SPTLC2: variants seen among roughly 807,000 people sequenced by gnomAD.
The protein encoded by SPTLC2 is serine palmitoyltransferase 2.
In SPTLC2, 21 loss-of-function variants were observed where a neutral mutation model predicts 62.0. That is an observed-to-expected ratio of 0.34 (90% CI 0.24 to 0.49). The LOEUF (loss-of-function observed/expected upper bound fraction) is 0.49. Ranked by LOEUF, SPTLC2 falls within the 20% of genes least tolerant of loss-of-function variation. SPTLC2 has a pLI of 0.99. For missense variants in SPTLC2, 511 were observed against 713.0 expected (o/e 0.72, Z 3.23); for synonymous variants, 261 against 261.8 (o/e 1.00, Z 0.03).
chr14:77,538,406 G>T (rs1262875479), intron 9 of SPTLC2, among the ~76,000 whole-genome samples: 1 of 152,152 alleles, frequency 6.6e-6, no homozygotes, highest in African/African-American at 2.4e-5. Context: ...TCTAGAATAG[G>T]CACAGAGATA....
At chr14:77,513,782 C>T (rs892789589) in intron 11 of SPTLC2, among the ~76,000 whole-genome samples, 7 of 151,718 alleles carry the variant, frequency 4.6e-5, no homozygotes, top group African/African-American at 1.7e-4. Flanking sequence ...GTAATCCCAG[C>T]TACTCGGGAG....
rs1018428487 is a variant in SPTLC2 at position 77,507,775 on chromosome 14, G to T, written c.*4509C>A. ...ACGTGAAGCAAGTAGCAGGGTATCT[G>T]TAGGTTCTGGGACTGAAAAAAAAAA... On this transcript the variant is annotated 3_prime_UTR_variant, in exon 12 of 12. Transcript: ENST00000216484. 2.0e-5 allele frequency: 3 copies of T among 152,122 alleles called. No homozygotes were observed. Among genetic ancestry groups the T allele is most frequent in the Non-Finnish European group, 4.4e-5 (3 of 68,046 alleles). 9.4% of individuals were successfully genotyped at this position (152,122 alleles called of 1,614,324 possible). A position where few individuals can be genotyped will look rare whatever the true frequency, so the allele number is the denominator to read the frequency against.
chr14:77,512,129 A>G lies in SPTLC2; in HGVS notation c.*155T>C. 1 of 984,606 alleles carries G rather than the reference A, an allele frequency of 1.0e-6. No individual in the cohort carries two copies. The allele number at this position is 984,606 out of a possible 1,614,324, so 61.0% of individuals were successfully genotyped here. A position where few individuals can be genotyped will look rare whatever the true frequency, so the allele number is the denominator to read the frequency against. On this transcript the variant is annotated 3_prime_UTR_variant, in exon 12 of 12. Transcript: ENST00000216484. Reference sequence around the variant, plus strand: ...TAGAAGCAGTTTTTTACTATTTACAAAATGTCATTTAGAGTGGAGGTGGCC... The same window carrying G: ...TAGAAGCAGTTTTTTACTATTTACAGAATGTCATTTAGAGTGGAGGTGGCC...
chr14:77,616,611 C>A lies in SPTLC2; in HGVS notation c.-32G>T. ...GGCAGCACCAGGCGCAAGGCAGGCT[C>A]TGTAGGCGGTGGCAGCGGCGGCGGC... On this transcript the variant is annotated 5_prime_UTR_variant, in exon 1 of 12. Transcript: ENST00000216484. 2 of 1,533,256 alleles carry A rather than the reference C, an allele frequency of 1.3e-6. No individual in the cohort carries two copies. The highest frequency in any genetic ancestry group is 1.2e-5 in the South Asian group (1 of 84,212). 95.0% of individuals were successfully genotyped at this position (1,533,256 alleles called of 1,614,324 possible). A position where few individuals can be genotyped will look rare whatever the true frequency, so the allele number is the denominator to read the frequency against.
chr14:77,569,530 C>T (rs1413989847), intron 5 of SPTLC2, among the ~76,000 whole-genome samples: 1 of 151,914 alleles, frequency 6.6e-6, no homozygotes, highest in East Asian at 1.9e-4. Flanking sequence ...GACATGCTCA[C>T]AGTCACACAG....
intron 1 of SPTLC2, among the ~76,000 whole-genome samples, chr14:77,611,804 C>T (rs182631237): frequency 0.012 from 1,778 of 149,340 alleles, 10 homozygotes; most frequent in Non-Finnish European, 0.018. Context: ...CCAGCCTGGG[C>T]GACAGAGTGA....
intron 7 of SPTLC2, 83 bp from the exon 8 acceptor site, chr14:77,555,602 T>A: frequency 2.3e-6 from 3 of 1,332,896 alleles, no homozygotes; most frequent in Non-Finnish European, 3.1e-6. Context: ...CACTTCATTA[T>A]TATTGAGTTT....
chr14:77,551,465 T>A (rs952064180), intron 9 of SPTLC2, among the ~76,000 whole-genome samples: 2 of 150,662 alleles, frequency 1.3e-5, no homozygotes, highest in South Asian at 4.2e-4. Flanking sequence ...TTTTTTAAAG[T>A]AAAGACAGAC....
chr14:77,551,572 C>T (rs1182629830), intron 9 of SPTLC2, among the ~76,000 whole-genome samples: 2 of 152,128 alleles, frequency 1.3e-5, no homozygotes, highest in African/African-American at 4.8e-5. Context: ...GAACACTGAA[C>T]TTCACTGTTC....
rs552744829 is a variant in SPTLC2 at position 77,592,440 on chromosome 14, C to T, written c.327+4746G>A. ...GTGAGCCATCGCACCCGGCTGTACG[C>T]TACTTTTTGAAGGAGGCCAAGAATA... On this transcript the variant is annotated intron_variant, in intron 2 of 11. Transcript: ENST00000216484. Among the ~76,000 whole-genome samples, 6 of 152,230 alleles carry T rather than the reference C, an allele frequency of 3.9e-5. No individual in the cohort carries two copies. In the South Asian group the frequency reaches 6.2e-4, roughly 16 times the overall value.
chr14:77,554,437 C>T (rs1433590882), intron 8 of SPTLC2, among the ~76,000 whole-genome samples: 1 of 152,178 alleles, frequency 6.6e-6, no homozygotes, highest in Non-Finnish European at 1.5e-5. Flanking sequence ...CCTCCGCCTC[C>T]GGCAACTACT....
chr14:77,574,410 G>A (rs1360541199), intron 4 of SPTLC2, among the ~76,000 whole-genome samples: 1 of 152,194 alleles, frequency 6.6e-6, no homozygotes, highest in African/African-American at 2.4e-5. Flanking sequence ...TTGTAAAACA[G>A]TACGGTCTCT....
chr14:77,520,649 T>C (rs1011032861), intron 10 of SPTLC2, among the ~76,000 whole-genome samples: 9 of 152,250 alleles, frequency 5.9e-5, no homozygotes, highest in East Asian at 3.8e-4. Context: ...ACTGTTCATT[T>C]GCTTTTCAAA....
At chr14:77,579,524 G>A (rs527474528) in intron 2 of SPTLC2, among the ~76,000 whole-genome samples, 3 of 152,260 alleles carry the variant, frequency 2.0e-5, no homozygotes, top group South Asian at 2.1e-4. Flanking sequence ...CAATGCAGGA[G>A]GACTGCTTGA....
chr14:77,558,289 G>A (rs919330190), intron 6 of SPTLC2, among the ~76,000 whole-genome samples: 4 of 149,648 alleles, frequency 2.7e-5, no homozygotes, highest in South Asian at 2.1e-4. Context: ...CAGGTGATCC[G>A]CCTGCCTCGG....
chr14:77,575,529 G>T (rs934215387), intron 4 of SPTLC2, among the ~76,000 whole-genome samples: 1 of 152,028 alleles, frequency 6.6e-6, no homozygotes, highest in Non-Finnish European at 1.5e-5. Context: ...ACTTTCAACT[G>T]GGTATCCTTG....
At chr14:77,602,885 T>A (rs1212979916) in intron 1 of SPTLC2, among the ~76,000 whole-genome samples, 1 of 152,152 alleles carries the variant, frequency 6.6e-6, no homozygotes, top group Non-Finnish European at 1.5e-5. Flanking sequence ...AGTCTACAAG[T>A]TTATTCAGAT....
intron 2 of SPTLC2, among the ~76,000 whole-genome samples, chr14:77,591,692 C>CTGTA (rs147430744): frequency 0.095 from 12,398 of 130,346 alleles, 682 homozygotes; most frequent in Admixed American, 0.18. Flanking sequence ...TAGTGCTCTT[C>CTGTA]TGTATGTATG....
intron 9 of SPTLC2, among the ~76,000 whole-genome samples, chr14:77,538,492 C>G (rs956683337): frequency 6.6e-6 from 1 of 152,316 alleles, no homozygotes; most frequent in Non-Finnish European, 1.5e-5. Flanking sequence ...AGCAGTAATG[C>G]AGGTCTCAGA....
Sources: allele counts gnomAD v4.1 joint callset (sites outside exome capture counted in the v4.1 genomes callset), GRCh38; gene constraint gnomAD v4.1.1; transcripts MANE v1.5; gene names NCBI Gene and HGNC (gene_info 2026-07-23, HGNC 2026-07-21).